PROKR2: variants seen among roughly 807,000 people sequenced by gnomAD.
PROKR2 encodes prokineticin receptor 2.
In PROKR2, 26 loss-of-function variants were observed where a neutral mutation model predicts 23.4. That is an observed-to-expected ratio of 1.11 (90% confidence interval 0.81 to 1.54). The LOEUF (loss-of-function observed/expected upper bound fraction) is 1.54. PROKR2 is among the 40% of genes most tolerant of loss of function. The probability of loss-of-function intolerance (pLI) is 0.00; values close to 1 mark genes in which losing one functional copy is unlikely to be tolerated. For synonymous variants in PROKR2, 212 were observed against 201.2 expected (o/e 1.05, Z -0.45); for missense variants, 453 against 511.5 (o/e 0.89, Z 1.10).
chr20:5,306,769 G>C (rs533244648), intron 2 of PROKR2, among the ~76,000 whole-genome samples: 1 of 152,274 alleles, frequency 6.6e-6, no homozygotes, highest in East Asian at 1.9e-4. Flanking sequence ...AAACAAAAAA[G>C]GGGGAGAAAT....
intron 2 of PROKR2, among the ~76,000 whole-genome samples, chr20:5,304,908 C>T (rs2326621): frequency 0.41 from 61,846 of 151,886 alleles, 12,700 homozygotes; most frequent in East Asian, 0.52. Flanking sequence ...GTGATGGTAT[C>T]GGAGGTAATC....
intron 2 of PROKR2, among the ~76,000 whole-genome samples, chr20:5,308,823 T>G (rs1979326328): frequency 6.6e-6 from 1 of 152,228 alleles, no homozygotes; most frequent in South Asian, 2.1e-4. Flanking sequence ...ATGTTATTTC[T>G]TCCTGTCCCT....
intron 2 of PROKR2, among the ~76,000 whole-genome samples, chr20:5,310,665 C>T (rs749023440): frequency 2.6e-5 from 1 of 37,868 alleles, no homozygotes; most frequent in Non-Finnish European, 5.2e-5. Flanking sequence ...AATGACCTCC[C>T]ACCTCTGGAA....
In PROKR2 at chr20:5,316,525, C is replaced by A. The variant is rs1979682383; in HGVS notation, c.-40G>T. The A allele has an allele frequency of 2.7e-6, 1 of 364,820 alleles. No individual in the cohort carries two copies. The highest frequency in any genetic ancestry group is 5.5e-6 in the Non-Finnish European group (1 of 182,150). 22.6% of individuals were successfully genotyped at this position (364,820 alleles called of 1,614,324 possible). A position where few individuals can be genotyped will look rare whatever the true frequency, so the allele number is the denominator to read the frequency against. ...CGGCGCCTCCTTTCTGTGCGCTCTG[C>A]TGCTCCGGAAGCCGGATCGAGAGTC... On this transcript the variant is annotated 5_prime_UTR_variant, in exon 1 of 3. Transcript: ENST00000678254. This position sits in a 1 kb window ranked among gnomAD's most constrained non-coding sequence, Gnocchi z 5.0.
rs1979004844 is a variant in PROKR2, at chr20:5,301,966, C to T, written c.*74G>A. On this transcript the variant is annotated 3_prime_UTR_variant, in exon 3 of 3. Transcript: ENST00000678254. ...AACACAGATGTCATTTCCCATGCAG[C>T]CTATGAACTTGGTTGATGGTGGGTG... The T allele has an allele frequency of 3.7e-6, 5 of 1,359,124 alleles. No individual in the cohort carries two copies. Among genetic ancestry groups the T allele is most frequent in the East Asian group, 2.4e-5 (1 of 42,446 alleles). 84.2% of individuals were successfully genotyped at this position (1,359,124 alleles called of 1,614,324 possible). A position where few individuals can be genotyped will look rare whatever the true frequency, so the allele number is the denominator to read the frequency against.
At position 5,316,831 on chromosome 20, in the gene PROKR2, C is replaced by T. The variant is rs1292641578; in HGVS notation, c.-346G>A. Among the ~76,000 whole-genome samples, 1 of 152,264 alleles carries T rather than the reference C, an allele frequency of 6.6e-6. No homozygotes were observed. The highest frequency in any genetic ancestry group is 1.5e-5 in the Non-Finnish European group (1 of 68,044). On this transcript the variant is annotated 5_prime_UTR_variant, in exon 1 of 3. Transcript: ENST00000678254. The surrounding 1 kb of genome is among the most constrained non-coding windows in gnomAD (Gnocchi z 5.0). ...AGGGTGGATGCCCAGCTCCCCCACC[C>T]CACCGCGTGCTCTCGGGCTGGTGCG...
rs775513724 is a variant in PROKR2, at chr20:5,314,214, G to A, written c.156C>T (p.Ala52=). Residue 52 remains alanine, a synonymous_variant, in exon 2 of 3, where the codon GCC becomes GCT. Transcript: ENST00000678254. ...DMTKTRTFFA[A]KIVIGIALAG... is the part of the protein sequence containing the mutation. ...CCAGTGCAATGCCAATGACGATCTT[G>A]GCTGCGAAGAAGGTCCGGGTCTTGG... The A allele has an allele frequency of 4.3e-5, 70 of 1,614,112 alleles. No individual in the cohort carries two copies. Among genetic ancestry groups the A allele is most frequent in the Non-Finnish European group, 5.7e-5 (67 of 1,180,048 alleles).
At position 5,302,350 on chromosome 20, in the gene PROKR2, G is replaced by A. The variant is rs773923265; in HGVS notation, c.845C>T (p.Thr282Met). Residue 282 changes from threonine to methionine, a missense_variant, in exon 3 of 3, where the codon ACG (threonine) becomes ATG (methionine). Coordinates refer to ENST00000678254, the MANE Select transcript of PROKR2 (RefSeq NM_144773.4). ...GGGTGCCCAGCACAGCACATAGGCC[G>A]TGAGAATGCACATGAGCACCAGGAC... is the stretch of plus-strand genomic sequence containing the variant. ...KTVLVLMCIL[T>M]AYVLCWAPFY... 2.1e-5 allele frequency: 34 copies of A among 1,614,112 alleles called. No homozygotes were observed. In the Middle Eastern group the frequency reaches 4.9e-4, roughly 23 times the overall value.
At chr20:5,312,092 G>T (rs1431290275) in intron 2 of PROKR2, among the ~76,000 whole-genome samples, 1 of 152,160 alleles carries the variant, frequency 6.6e-6, no homozygotes, top group African/African-American at 2.4e-5. Context: ...AGAGGGTGGG[G>T]TGGAGCCCAG....
intron 2 of PROKR2, among the ~76,000 whole-genome samples, chr20:5,309,899 T>C (rs1979369659): frequency 6.6e-6 from 1 of 152,264 alleles, no homozygotes; most frequent in Admixed American, 6.5e-5. Context: ...TTTCTCATTG[T>C]ATGATGTTCC....
In PROKR2 at chr20:5,302,586, C is replaced by T. The variant is rs1452856149; in HGVS notation, c.609G>A (p.Gln203=). Residue 203 remains glutamine (Q), a synonymous_variant, in exon 3 of 3, where the codon CAG becomes CAA. Transcript: ENST00000678254. ...AGATCTGGCCACAGAAGATCTTCTC[C>T]TGGCTCTTGACAATAAAGAGGACCG... ...TETVLFIVKS[Q]EKIFCGQIWP... is the part of the protein sequence containing the mutation. 1 of 1,614,070 alleles carries T rather than the reference C, an allele frequency of 6.2e-7. No individual in the cohort carries two copies. Among genetic ancestry groups the T allele is most frequent in the African/African-American group, 1.3e-5 (1 of 74,944 alleles).
intron 2 of PROKR2, among the ~76,000 whole-genome samples, chr20:5,312,799 G>A (rs1979489819): frequency 6.6e-6 from 1 of 152,222 alleles, no homozygotes; most frequent in African/African-American, 2.4e-5. Context: ...AACAGAGCCA[G>A]TGATGGCCCG....
chr20:5,310,841 T>C (rs576128421), intron 2 of PROKR2, among the ~76,000 whole-genome samples: 108 of 152,352 alleles, frequency 7.1e-4, no homozygotes, highest in Non-Finnish European at 1.2e-3. Context: ...AAGACTCAGA[T>C]ATAAGTCCCT....
intron 1 of PROKR2, chr20:5,315,714 A>G (rs1031438364): frequency 1.9e-5 from 7 of 373,852 alleles, no homozygotes; most frequent in African/African-American, 4.2e-5. Flanking sequence ...CCAAGGTGAA[A>G]ACCTCCAAGA....
rs111367123 is a variant in PROKR2, at chr20:5,316,122, T to C, written c.-9+372A>G. Reference sequence around the variant, plus strand: ...AAGAAAACGGCGGGTGGGTGGAGGATGCGGTGCGCGGGAATTTCCCCACGG... The same window carrying C: ...AAGAAAACGGCGGGTGGGTGGAGGACGCGGTGCGCGGGAATTTCCCCACGG... On this transcript the variant is annotated intron_variant, in intron 1 of 2. Coordinates refer to ENST00000678254, the MANE Select transcript of PROKR2 (RefSeq NM_144773.4). This position sits in a 1 kb window ranked among gnomAD's most constrained non-coding sequence, Gnocchi z 5.0. The C allele has an allele frequency of 1.6e-3, 737 of 456,668 alleles. 4 individuals are homozygous for C. Among genetic ancestry groups the C allele is most frequent in the African/African-American group, 0.013 (665 of 50,188 alleles). The allele number at this position is 456,668 out of a possible 1,614,324, so 28.3% of individuals were successfully genotyped here.
chr20:5,315,824 C>T (rs1250395906), intron 1 of PROKR2: 1 of 456,534 alleles, frequency 2.2e-6, no homozygotes, highest in Non-Finnish European at 4.4e-6. Context: ...AGCCTCTGCT[C>T]AGCGTGGGAC....
rs775634673 is a variant in PROKR2, at chr20:5,314,062, G to A, written c.308C>T (p.Ala103Val). ...CATCTCGAAGGGGCAGCAGATGATG[G>A]CCACCAGGAAGTCGGAGATGGCCAG... ...ANLAISDFLVAIICCPFEMDY... is the reference protein window; with the variant it reads ...ANLAISDFLVVIICCPFEMDY... Residue 103 changes from alanine (A) to valine (V), a missense_variant, in exon 2 of 3, where the codon GCC becomes GTC. Physicochemically the swap from Ala to Val is moderately conservative, Grantham distance 64 (BLOSUM62 0). Coordinates refer to ENST00000678254, the MANE Select transcript of PROKR2 (RefSeq NM_144773.4). 33 of 1,614,202 alleles carry A rather than the reference G, an allele frequency of 2.0e-5. No individual in the cohort carries two copies. The East Asian group carries it at 6.9e-4, about 34-fold the overall frequency.
chr20:5,302,217 G>T lies in PROKR2; in HGVS notation c.978C>A (p.Ser326Arg), dbSNP rs1979017637. 1.2e-6 allele frequency: 2 copies of T among 1,614,238 alleles called. No individual in the cohort carries two copies. Among genetic ancestry groups the T allele is most frequent in the East Asian group, 4.5e-5 (2 of 44,888 alleles). The change falls in exon 3 of 3, where the codon AGC becomes AGA. Residue 326 changes from serine (S) to arginine (R), a missense_variant. Coordinates refer to ENST00000678254, the MANE Select transcript of PROKR2 (RefSeq NM_144773.4). ...TCACGAAGCACACGGTGTTGATCAT[G>T]CTGTTGCTCATGGCGATGCACTCGA... ...YVVECIAMSN[S>R]MINTVCFVTV...
At chr20:5,304,222 T>A (rs1030140093) in intron 2 of PROKR2, among the ~76,000 whole-genome samples, 12 of 152,068 alleles carry the variant, frequency 7.9e-5, no homozygotes, top group African/African-American at 2.9e-4. Flanking sequence ...GATGAGAGGG[T>A]GATTTAGAGG....
Sources: allele counts gnomAD v4.1 joint callset (sites outside exome capture counted in the v4.1 genomes callset), GRCh38; gene constraint gnomAD v4.1.1; non-coding constraint Gnocchi (gnomAD v3.1); transcripts MANE v1.5; gene names NCBI Gene and HGNC (gene_info 2026-07-23, HGNC 2026-07-21).